COL4A5: variants seen among roughly 807,000 people sequenced by gnomAD.
COL4A5 encodes the protein collagen type IV alpha 5 chain.
A neutral mutation model predicts 130.2 loss-of-function variants in COL4A5; 26 were observed. The ratio of observed to expected loss-of-function variants is 0.20; its 90% CI spans 0.15 to 0.28. The LOEUF is 0.28. Ranked by LOEUF, COL4A5 falls within the 10% of genes least tolerant of loss-of-function variation. The pLI, the probability that COL4A5 is intolerant of heterozygous loss-of-function variation, is 1.00. For missense variants in COL4A5, 1,131 were observed against 1,344.3 expected (o/e 0.84, Z 2.48); for synonymous variants, 496 against 439.6 (o/e 1.13, Z -1.60).
chrX:108,453,533 A>G (rs1222051054), intron 1 of COL4A5, among the ~76,000 whole-genome samples: 2 of 111,882 alleles, frequency 1.8e-5, no homozygotes, highest in South Asian at 3.7e-4. Flanking sequence ...TGAATAAATA[A>G]TTTTAAATAT....
chrX:108,573,938 T>C (rs775020620), intron 9 of COL4A5, among the ~76,000 whole-genome samples: 22 of 111,199 alleles, frequency 2.0e-4, no homozygotes, highest in African/African-American at 6.2e-4. Flanking sequence ...AGTAGGGTCT[T>C]TTGTACATTT....
At chrX:108,639,374 T>C (rs1262137430) in intron 36 of COL4A5, among the ~76,000 whole-genome samples, 1 of 111,049 alleles carries the variant, frequency 9.0e-6, no homozygotes, top group Non-Finnish European at 1.9e-5. Flanking sequence ...ATATATAAAA[T>C]TAATTCAAAA....
At chrX:108,664,706 C>G (rs987881489) in intron 37 of COL4A5, among the ~76,000 whole-genome samples, 1 of 111,716 alleles carries the variant, frequency 9.0e-6, no homozygotes, top group Non-Finnish European at 1.9e-5. Context: ...TTCAATAACT[C>G]AATAATAACA....
At chrX:108,554,437 A>G (rs2065794744) in intron 2 of COL4A5, among the ~76,000 whole-genome samples, 1 of 111,357 alleles carries the variant, frequency 9.0e-6, no homozygotes, top group African/African-American at 3.3e-5. Flanking sequence ...TGTGGGGGAA[A>G]CTGGCCCCAT....
At chrX:108,504,025 G>A (rs1187124647) in intron 1 of COL4A5, among the ~76,000 whole-genome samples, 1 of 111,765 alleles carries the variant, frequency 8.9e-6, no homozygotes, top group African/African-American at 3.3e-5. Flanking sequence ...CAAACAGTAT[G>A]GACTGGTACA....
chrX:108,460,400 C>T (rs760224518), intron 1 of COL4A5, among the ~76,000 whole-genome samples: 1 of 110,987 alleles, frequency 9.0e-6, no homozygotes, highest in Non-Finnish European at 1.9e-5. Flanking sequence ...TCCCTCCACC[C>T]CCTAAAGATA....
chrX:108,633,066 T>C (rs1349904351), intron 36 of COL4A5, among the ~76,000 whole-genome samples: 1 of 111,609 alleles, frequency 9.0e-6, no homozygotes, highest in African/African-American at 3.3e-5. Flanking sequence ...GACATGATTG[T>C]ATATTTAGAA....
intron 31 of COL4A5, 92 bp from the exon 32 acceptor site, chrX:108,621,711 C>A: frequency 1.4e-6 from 1 of 706,424 alleles, no homozygotes; most frequent in Non-Finnish European, 2.2e-6. Flanking sequence ...ACGTCCAACC[C>A]TCAATAGTTT....
At chrX:108,581,567 C>G (rs1480246417) in intron 16 of COL4A5, among the ~76,000 whole-genome samples, 3 of 110,952 alleles carry the variant, frequency 2.7e-5, no homozygotes, top group Non-Finnish European at 3.8e-5. Context: ...CTATCCCAAC[C>G]CCCTTATAAC....
At chrX:108,668,245 T>C in intron 40 of COL4A5, 74 bp from the exon 41 acceptor site, 1 of 997,056 alleles carries the variant, frequency 1.0e-6, no homozygotes, top group Non-Finnish European at 1.4e-6. Flanking sequence ...CCCTAATGTA[T>C]GTGAATAGCT....
rs766039694 is a variant in COL4A5 at position 108,604,838 on chromosome X, T to C, written c.2244+1777T>C. ...CAGCTTCTATATCAAAACTTGCTGC[T>C]TCACCTTGCACTTTTATGATGTGGA... On this transcript the variant is annotated intron_variant, in intron 28 of 52. Coordinates refer to ENST00000328300, the MANE Select transcript of COL4A5 (RefSeq NM_033380.3). 9.8e-5 allele frequency among the ~76,000 whole-genome samples: 11 copies of C among 112,312 alleles called. No individual in the cohort carries two copies. The South Asian group carries it at 4.1e-3, about 42-fold the overall frequency.
intron 4 of COL4A5, among the ~76,000 whole-genome samples, chrX:108,564,886 G>A (rs1025560892): frequency 9.0e-6 from 1 of 111,425 alleles, no homozygotes; most frequent in African/African-American, 3.3e-5. Context: ...CATGTAGCTT[G>A]CCTTATGTGC....
At chrX:108,506,095 C>A (rs1397145047) in intron 1 of COL4A5, among the ~76,000 whole-genome samples, 2 of 111,911 alleles carry the variant, frequency 1.8e-5, no homozygotes. Context: ...GGAGTGTCCA[C>A]AAGTTGGCTC....
intron 1 of COL4A5, among the ~76,000 whole-genome samples, chrX:108,507,113 G>A (rs148901152): frequency 8.7e-4 from 95 of 109,168 alleles, no homozygotes; most frequent in Non-Finnish European, 1.4e-3. Context: ...TCTACCAGAT[G>A]TACAAAGAAG....
At chrX:108,527,221 T>C (rs73526208) in intron 1 of COL4A5, among the ~76,000 whole-genome samples, 11,533 of 111,348 alleles carry the variant, frequency 0.1, 1,294 homozygotes, top group African/African-American at 0.34. Context: ...AGGTATCACT[T>C]TCTCTGTCTG....
At chrX:108,511,738 A>T (rs957124764) in intron 1 of COL4A5, among the ~76,000 whole-genome samples, 2 of 112,101 alleles carry the variant, frequency 1.8e-5, no homozygotes, top group Admixed American at 1.9e-4. Flanking sequence ...TGGTGCTGGG[A>T]AAACTGAATA....
At chrX:108,477,611 C>T (rs2064846576) in intron 1 of COL4A5, among the ~76,000 whole-genome samples, 1 of 109,634 alleles carries the variant, frequency 9.1e-6, no homozygotes, top group Admixed American at 9.7e-5. Context: ...GTCGGGAGTT[C>T]GAGACCAGCC....
intron 1 of COL4A5, among the ~76,000 whole-genome samples, chrX:108,501,806 T>C (rs1348489536): frequency 1.8e-5 from 2 of 112,069 alleles, no homozygotes; most frequent in Non-Finnish European, 3.8e-5. Flanking sequence ...AGTTTGAAAA[T>C]GTATGGAAAG....
chrX:108,596,971 GTGTT>G (rs781675643), intron 22 of COL4A5, 23 bp from the exon 23 acceptor site: 46 of 1,150,610 alleles, frequency 4.0e-5, no homozygotes, highest in East Asian at 1.3e-4. Flanking sequence ...GTGTGTGTGT[GTGTT>G]TGTTTGTGTG....
Sources: gnomAD v4.1 joint callset for allele counts (sites outside exome capture counted in the v4.1 genomes callset) on GRCh38, gnomAD v4.1.1 for gene constraint, MANE v1.5 for transcripts, NCBI Gene and HGNC (gene_info 2026-07-23, HGNC 2026-07-21) for gene names.